The following LINGO1 variants were observed in gnomAD, a reference collection of about 807,000 sequenced individuals.
LINGO1 encodes leucine rich repeat and Ig domain containing 1.
A neutral mutation model predicts 37.3 loss-of-function variants in LINGO1; 11 were observed. The observed-to-expected ratio is 0.29, with a 90% CI of 0.19 to 0.49. LINGO1 has a LOEUF of 0.49. Among genes scored for constraint, LINGO1 ranks in the 20% least tolerant of loss-of-function variants. The probability of loss-of-function intolerance (pLI) is 0.99; values close to 1 mark genes in which losing one functional copy is unlikely to be tolerated. For synonymous variants in LINGO1, 387 were observed against 403.0 expected, an observed-to-expected ratio of 0.96 and a Z score of 0.48; for missense variants, 585 against 878.2, an observed-to-expected ratio of 0.67 and a Z score of 4.22.
At chr15:77,803,656 G>A (rs2076936838) in intron 1 of LINGO1, among the ~76,000 whole-genome samples, 1 of 151,978 alleles carries the variant, frequency 6.6e-6, no homozygotes, top group South Asian at 2.1e-4. Flanking sequence ...TGATAGTTGA[G>A]TTCTCAACAG....
chr15:77,709,893 T>G (rs531637762), intron 2 of LINGO1, among the ~76,000 whole-genome samples: 3 of 152,298 alleles, frequency 2.0e-5, no homozygotes, highest in African/African-American at 7.2e-5. Context: ...AGTCCGTGCA[T>G]ATCAGACCAC....
chr15:77,715,317 GAGTC>G (rs2141300361), intron 2 of LINGO1, among the ~76,000 whole-genome samples: 1 of 152,352 alleles, frequency 6.6e-6, no homozygotes, highest in South Asian at 2.1e-4. Flanking sequence ...GGGGTCTGAG[GAGTC>G]AGTCAGTTGT....
At chr15:77,621,616 C>T (rs1363963433) in intron 1 of LINGO1, among the ~76,000 whole-genome samples, 1 of 152,176 alleles carries the variant, frequency 6.6e-6, no homozygotes, top group Non-Finnish European at 1.5e-5. Flanking sequence ...GGTGAGGCCC[C>T]AGGGCTGAGG....
At chr15:77,623,960 TCTGTGTGTGTGGC>T (rs1179972526) in intron 1 of LINGO1, among the ~76,000 whole-genome samples, 4 of 150,256 alleles carry the variant, frequency 2.7e-5, no homozygotes, top group Non-Finnish European at 5.9e-5. Flanking sequence ...GTAAGCAGTC[TCTGTGTGTGTGGC>T]CTGTGTGTGT....
intron 3 of LINGO1, among the ~76,000 whole-genome samples, chr15:77,670,953 CCCTTTGCTCACACAG>C (rs2075237668): frequency 6.6e-6 from 1 of 152,234 alleles, no homozygotes; most frequent in African/African-American, 2.4e-5. Flanking sequence ...TGTCTATCAT[CCCTTTGCTCACACAG>C]CCTTTGCTCA....
intron 3 of LINGO1, among the ~76,000 whole-genome samples, chr15:77,668,375 G>C (rs1360001306): frequency 6.6e-6 from 1 of 152,146 alleles, no homozygotes; most frequent in African/African-American, 2.4e-5. Context: ...TAGTTGGTCT[G>C]GTGTCTCTGA....
At chr15:77,816,717 A>G (rs57569993) in intron 1 of LINGO1, among the ~76,000 whole-genome samples, 6,881 of 152,144 alleles carry the variant, frequency 0.045, 501 homozygotes, top group African/African-American at 0.15. Flanking sequence ...CAGGGGCCAA[A>G]TAAGTGCCCC....
intron 2 of LINGO1, among the ~76,000 whole-genome samples, chr15:77,689,255 C>T (rs1051150305): frequency 6.6e-6 from 1 of 152,046 alleles, no homozygotes; most frequent in Non-Finnish European, 1.5e-5. Context: ...CATCACCAGC[C>T]CCCAGGCTGG....
chr15:77,648,630 C>T (rs913055710), intron 3 of LINGO1: 13 of 152,336 alleles, frequency 8.5e-5, no homozygotes, highest in African/African-American at 3.1e-4. Flanking sequence ...GATCCAGGCC[C>T]AGCTTGTCTC....
At chr15:77,723,606 G>A (rs1370754435) in intron 2 of LINGO1, among the ~76,000 whole-genome samples, 2 of 152,174 alleles carry the variant, frequency 1.3e-5, no homozygotes, top group African/African-American at 4.8e-5. Context: ...TTGAAAACAA[G>A]TGAGTGCACA....
intron 2 of LINGO1, among the ~76,000 whole-genome samples, chr15:77,706,927 A>G (rs1416813188): frequency 1.3e-5 from 2 of 152,250 alleles, no homozygotes; most frequent in Non-Finnish European, 2.9e-5. Flanking sequence ...AGATGCTGGC[A>G]GGAGAGACAC....
At chr15:77,668,059 G>C (rs1294966948) in intron 3 of LINGO1, 1 of 152,184 alleles carries the variant, frequency 6.6e-6, no homozygotes, top group African/African-American at 2.4e-5. Context: ...TCTGATAAAT[G>C]GGTATGACAA....
chr15:77,800,725 C>T (rs896092036), intron 1 of LINGO1, among the ~76,000 whole-genome samples: 1 of 152,110 alleles, frequency 6.6e-6, no homozygotes. Context: ...TGTACATAAA[C>T]GTGTAAAACA....
rs1369131902 is a variant in LINGO1, at chr15:77,632,296, G to A, written c.6+14C>T. ...GCTGCCCGCTCGGGGCTCGGCCGCG[G>A]CCGCCTGGCTCACCTGCATCTCGGG... On this transcript the variant is annotated intron_variant, in intron 1 of 1. Transcript: ENST00000355300. The surrounding 1 kb of genome is among the most constrained non-coding windows in gnomAD (Gnocchi z 6.0). 2.1e-6 allele frequency: 3 copies of A among 1,429,454 alleles called. No individual in the cohort carries two copies. Among genetic ancestry groups the A allele is most frequent in the Admixed American group, 5.2e-5 (2 of 38,716 alleles). 88.5% of individuals were successfully genotyped at this position (1,429,454 alleles called of 1,614,324 possible).
At chr15:77,770,284 A>G (rs1448876957) in intron 1 of LINGO1, among the ~76,000 whole-genome samples, 1 of 152,124 alleles carries the variant, frequency 6.6e-6, no homozygotes, top group Non-Finnish European at 1.5e-5. Context: ...GATTGTTGCT[A>G]CCACTTAAAG....
At chr15:77,790,744 G>T (rs536923499), upstream of LINGO1, among the ~76,000 whole-genome samples, 1 of 152,256 alleles carries the variant, frequency 6.6e-6, no homozygotes, top group Non-Finnish European at 1.5e-5. Flanking sequence ...GCTAAACATA[G>T]CTCCTGCCCC....
chr15:77,623,121 C>T (rs989019381), intron 1 of LINGO1, among the ~76,000 whole-genome samples: 2 of 152,250 alleles, frequency 1.3e-5, no homozygotes. Flanking sequence ...AGGGGCAGGA[C>T]TCGCACTCTG....
At chr15:77,779,174 C>T (rs1362814984) in intron 1 of LINGO1, among the ~76,000 whole-genome samples, 2 of 152,040 alleles carry the variant, frequency 1.3e-5, no homozygotes, top group Non-Finnish European at 2.9e-5. Context: ...CATTTCCTTT[C>T]CCCACTTCTC....
At chr15:77,654,677 G>A (rs573522001) in intron 3 of LINGO1, among the ~76,000 whole-genome samples, 4 of 152,148 alleles carry the variant, frequency 2.6e-5, no homozygotes, top group Admixed American at 2.0e-4. Context: ...AATGGAAAGG[G>A]CTCGAGAGCT....
Sources: allele counts gnomAD v4.1 joint callset (sites outside exome capture counted in the v4.1 genomes callset), GRCh38; gene constraint gnomAD v4.1.1; non-coding constraint Gnocchi (gnomAD v3.1); transcripts MANE v1.5; gene names NCBI Gene and HGNC (gene_info 2026-07-23, HGNC 2026-07-21).